The following ZNF106 variants were observed in gnomAD, a reference collection of about 807,000 sequenced individuals.
ZNF106 encodes zinc finger protein 106.
Under a neutral mutation model 195.1 loss-of-function variants are expected in ZNF106, and 67 were observed. The ratio of observed to expected loss-of-function variants is 0.34; its 90% CI spans 0.28 to 0.42. ZNF106 has a LOEUF of 0.42. ZNF106 is among the 10% of genes least tolerant of loss of function. The pLI is 1.00. For missense variants in ZNF106, 2,118 were observed against 2,304.5 expected (o/e 0.92, Z 1.66); for synonymous variants, 784 against 818.6 (o/e 0.96, Z 0.72).
chr15:42,420,935 A>G, intron 20 of ZNF106, 126 bp downstream of exon 20: 2 of 800,258 alleles, frequency 2.5e-6, no homozygotes, highest in East Asian at 2.4e-5. Context: ...TGTGATCTAC[A>G]GTGTAAGGCA....
chr15:42,446,682 TAAA>T, intron 6 of ZNF106, 24 bp from the exon 7 acceptor site: 1 of 1,565,940 alleles, frequency 6.4e-7, no homozygotes, highest in Non-Finnish European at 8.7e-7. Context: ...GAAAACTGAA[TAAA>T]ATCCAATGTG....
rs2054641628 is a variant in ZNF106, at chr15:42,421,126, T to A, written c.5452A>T (p.Thr1818Ser). ...TGAATACTGCCATCATAACAGCCAG[T>A]GTAAATCTGGAGAAAGAGAGGTTTA... The part of the protein sequence containing the change: ...CMTIHKSMIY[T>S]GCYDGSIQAV... The change falls in exon 20 of 22, where the codon ACT (threonine) becomes TCT (serine). Residue 1818 changes from threonine (T) to serine (S), a missense_variant. Coordinates refer to ENST00000564754, the MANE Select transcript of ZNF106 (RefSeq NM_001366845.3). The A allele has an allele frequency of 6.2e-7, 1 of 1,614,040 alleles. No homozygotes were observed. The highest frequency in any genetic ancestry group is 2.2e-5 in the East Asian group (1 of 44,880).
At position 42,427,955 on chromosome 15, in the gene ZNF106, C is replaced by T. The variant is rs1386527944; in HGVS notation, c.4998+63G>A. 2.2e-6 allele frequency: 3 copies of T among 1,384,022 alleles called. No homozygotes were observed. The East Asian group carries it at 7.0e-5, about 32-fold the overall frequency. 85.7% of individuals were successfully genotyped at this position (1,384,022 alleles called of 1,614,324 possible). On this transcript the variant is annotated intron_variant, in intron 15 of 21. Transcript: ENST00000564754. The stretch of plus-strand genomic sequence containing the variant: ...AAAATCCCTGCCTGCTACTTCTTCC[C>T]ACACATGCTCACACTGTTTTCAAGT...
chr15:42,458,206 A>G (rs2056294519), intron 3 of ZNF106, among the ~76,000 whole-genome samples: 1 of 152,142 alleles, frequency 6.6e-6, no homozygotes, highest in African/African-American at 2.4e-5. Context: ...CTATTAAAAA[A>G]AAAACCAACA....
chr15:42,433,631 C>T (rs996722385), intron 14 of ZNF106, among the ~76,000 whole-genome samples: 50 of 151,604 alleles, frequency 3.3e-4, no homozygotes, highest in African/African-American at 1.2e-3. Context: ...TACAGGTGTG[C>T]GTCACCACAC....
intron 1 of ZNF106, among the ~76,000 whole-genome samples, chr15:42,486,098 C>T (rs1027121379): frequency 1.3e-5 from 2 of 151,916 alleles, no homozygotes; most frequent in African/African-American, 4.8e-5. Flanking sequence ...GCTGGGACTA[C>T]AGGCGCATGT....
rs1197022811 is a variant in ZNF106, at chr15:42,439,117, G to T, written c.4460C>A (p.Pro1487Gln). 6.2e-7 allele frequency: 1 copy of T among 1,614,162 alleles called. No homozygotes were observed. Among genetic ancestry groups the T allele is most frequent in the East Asian group, 2.2e-5 (1 of 44,884 alleles). The change falls in exon 11 of 22, where the codon CCA (proline) becomes CAA (glutamine). Residue 1487 changes from proline (P) to glutamine (Q), a missense_variant. Transcript: ENST00000564754. ...KDIWNSTEQNPLETSRSGCDE... is the reference protein window; with the variant it reads ...KDIWNSTEQNQLETSRSGCDE... Reference sequence around the variant, plus strand: ...ACACCCAGAACGAGACGTTTCTAGTGGGTTTTGCTCTGTAGAGTTCCAAAT... The same window carrying T: ...ACACCCAGAACGAGACGTTTCTAGTTGGTTTTGCTCTGTAGAGTTCCAAAT...
At chr15:42,435,248 ATG>A (rs943373656) in intron 14 of ZNF106, 134 bp downstream of exon 14, 2 of 1,215,974 alleles carry the variant, frequency 1.6e-6, no homozygotes, top group African/African-American at 3.0e-5. Context: ...GGCTACAACA[ATG>A]TGCTAAACAT....
intron 5 of ZNF106, 137 bp from the exon 6 acceptor site, chr15:42,448,842 G>T: frequency 1.3e-6 from 1 of 775,828 alleles, no homozygotes; most frequent in Non-Finnish European, 2.0e-6. Flanking sequence ...GGGGCTCACA[G>T]TCTAGTCAGT....
At chr15:42,421,791 T>C in intron 19 of ZNF106, 126 bp downstream of exon 19, 2 of 641,710 alleles carry the variant, frequency 3.1e-6, no homozygotes, top group Non-Finnish European at 2.5e-6. Flanking sequence ...TTCCCTATTA[T>C]GCCAAGAGAT....
intron 1 of ZNF106, among the ~76,000 whole-genome samples, chr15:42,489,089 A>C (rs1316360749): frequency 2.2e-5 from 3 of 137,382 alleles, no homozygotes; most frequent in Non-Finnish European, 3.1e-5. Context: ...AAAAAAAAAA[A>C]AACAACACAC....
intron 1 of ZNF106, among the ~76,000 whole-genome samples, chr15:42,474,790 T>G (rs190401970): frequency 1.2e-4 from 18 of 152,266 alleles, no homozygotes; most frequent in Admixed American, 5.2e-4. Context: ...GGGGTTTAGA[T>G]TAAGACTCAA....
chr15:42,490,556 C>A (rs1325188555), intron 1 of ZNF106: 1 of 151,928 alleles, frequency 6.6e-6, no homozygotes, highest in Non-Finnish European at 1.5e-5. Context: ...ACGCATCCCA[C>A]AAGGAGAGAA....
In ZNF106 at chr15:42,468,068, C is replaced by CTTTT. The variant is rs200457966; in HGVS notation, c.55-1958_55-1955dup. Reference sequence around the variant, plus strand: ...TAAACAGGGTTGTGATTCAAAACGCCTTTTTTTTTTTTTTTTTTTTTTTTT... The same window carrying CTTTT: ...TAAACAGGGTTGTGATTCAAAACGCCTTTTTTTTTTTTTTTTTTTTTTTTTTTTT... On this transcript the variant is annotated intron_variant, in intron 2 of 21. Transcript: ENST00000564754. Among the ~76,000 whole-genome samples, 291 of 102,118 alleles carry CTTTT rather than the reference C, an allele frequency of 2.8e-3. 5 individuals carry two copies. The highest frequency in any genetic ancestry group is 7.2e-3 in the African/African-American group (179 of 24,694). The allele number at this position is 102,118 out of a possible 152,430, so 67.0% of individuals were successfully genotyped here.
At chr15:42,430,373 G>A (rs2141285533) in intron 14 of ZNF106, among the ~76,000 whole-genome samples, 1 of 151,872 alleles carries the variant, frequency 6.6e-6, no homozygotes, top group Non-Finnish European at 1.5e-5. Context: ...TATGTTTAGG[G>A]ATTTACTTAT....
At chr15:42,475,886 G>C (rs144648875) in intron 1 of ZNF106, among the ~76,000 whole-genome samples, 102 of 152,226 alleles carry the variant, frequency 6.7e-4, no homozygotes, top group African/African-American at 2.4e-3. Context: ...GTGACTCTCT[G>C]GTAGAAATTA....
At chr15:42,475,358 C>T (rs902506674) in intron 1 of ZNF106, among the ~76,000 whole-genome samples, 1 of 152,148 alleles carries the variant, frequency 6.6e-6, no homozygotes, top group Non-Finnish European at 1.5e-5. Context: ...AGGAGAATCG[C>T]TTGAACCCAG....
At chr15:42,467,763 C>T (rs2056554499) in intron 2 of ZNF106, among the ~76,000 whole-genome samples, 1 of 152,124 alleles carries the variant, frequency 6.6e-6, no homozygotes, top group South Asian at 2.1e-4. Flanking sequence ...GAGCTGGTAT[C>T]ACGCCACTGC....
chr15:42,452,274 G>A (rs1194264718), intron 4 of ZNF106, among the ~76,000 whole-genome samples: 9 of 152,094 alleles, frequency 5.9e-5, no homozygotes, highest in Admixed American at 1.3e-4. Flanking sequence ...TATAATTCCA[G>A]CACTTTGGGA....
Sources: allele counts gnomAD v4.1 joint callset (sites outside exome capture counted in the v4.1 genomes callset), GRCh38; gene constraint gnomAD v4.1.1; transcripts MANE v1.5; gene names NCBI Gene and HGNC (gene_info 2026-07-23, HGNC 2026-07-21).